Variants in GRM8 observed in about 807,000 individuals in gnomAD.
GRM8 encodes the protein glutamate metabotropic receptor 8.
Under a neutral mutation model 87.2 loss-of-function variants are expected in GRM8, and 47 were observed. The ratio of observed to expected loss-of-function variants is 0.54; its 90% CI spans 0.43 to 0.69. The LOEUF (loss-of-function observed/expected upper bound fraction) is 0.69. Among genes scored for constraint, GRM8 ranks in the 30% least tolerant of loss-of-function variants. GRM8 has a pLI of 0.00. For synonymous variants in GRM8, 396 were observed against 404.5 expected, an observed-to-expected ratio of 0.98 and a Z score of 0.25; for missense variants, 1,019 against 1,139.2, an observed-to-expected ratio of 0.89 and a Z score of 1.52.
chr7:127,134,049 C>T (rs1167757348), intron 2 of GRM8, among the ~76,000 whole-genome samples: 1 of 152,050 alleles, frequency 6.6e-6, no homozygotes, highest in African/African-American at 2.4e-5. Context: ...TAGGTTTATC[C>T]CTTAGCTTCC....
intron 6 of GRM8, among the ~76,000 whole-genome samples, chr7:126,878,991 C>T (rs1261870590): frequency 2.0e-5 from 3 of 151,940 alleles, no homozygotes; most frequent in Non-Finnish European, 2.9e-5. Context: ...GGGGAAACCC[C>T]GTCTCTACTA....
At chr7:126,700,669 C>A (rs898702114) in intron 7 of GRM8, among the ~76,000 whole-genome samples, 1 of 152,040 alleles carries the variant, frequency 6.6e-6, no homozygotes, top group Non-Finnish European at 1.5e-5. Context: ...CTGAGCAGGT[C>A]CATTCTCACA....
intron 6 of GRM8, among the ~76,000 whole-genome samples, chr7:126,900,737 T>C (rs527822581): frequency 2.0e-5 from 3 of 152,298 alleles, no homozygotes; most frequent in Middle Eastern, 6.8e-3. Flanking sequence ...CTCAAACTCC[T>C]GAGCTCAGGC....
At chr7:127,134,652 AC>A (rs1827857231) in intron 2 of GRM8, among the ~76,000 whole-genome samples, 1 of 152,198 alleles carries the variant, frequency 6.6e-6, no homozygotes, top group South Asian at 2.1e-4. Flanking sequence ...TCATCTTGCT[AC>A]CATAATATTT....
chr7:126,461,871 G>A (rs1219216548), intron 9 of GRM8, among the ~76,000 whole-genome samples: 3 of 151,516 alleles, frequency 2.0e-5, no homozygotes, highest in Admixed American at 1.3e-4. Flanking sequence ...ACATTGCATT[G>A]CATTTTCCTT....
rs139667602 is a variant in GRM8, at chr7:126,686,471, T to C, written c.1358-76973A>G. 2.8e-3 allele frequency among the ~76,000 whole-genome samples: 427 copies of C among 152,238 alleles called. 7 individuals carry two copies. Among genetic ancestry groups the C allele is most frequent in the African/African-American group, 9.8e-3 (406 of 41,546 alleles). Reference sequence around the variant, plus strand: ...TGAGCCAGGGCAGTGACTCCCTATTTGGGGCCCTGAAGTTCCTGACATCTC... The same window carrying C: ...TGAGCCAGGGCAGTGACTCCCTATTCGGGGCCCTGAAGTTCCTGACATCTC... On this transcript the variant is annotated intron_variant, in intron 7 of 10. Transcript: ENST00000339582.
chr7:126,508,415 T>C (rs142396187), intron 9 of GRM8, among the ~76,000 whole-genome samples: 19 of 152,124 alleles, frequency 1.2e-4, no homozygotes, highest in African/African-American at 4.6e-4. Flanking sequence ...TAAAAGCCCA[T>C]TTAAAAATGA....
rs521 is a variant in GRM8, at chr7:126,532,764, G to GATATATATATATAT, written c.2430+174_2430+187dup. Among the ~76,000 whole-genome samples the GATATATATATATAT allele has an allele frequency of 2.3e-4, 25 of 110,988 alleles. 2 individuals carry two copies. Among genetic ancestry groups the GATATATATATATAT allele is most frequent in the Non-Finnish European group, 3.1e-4 (17 of 54,264 alleles). The allele number at this position is 110,988 out of a possible 152,430, so 72.8% of individuals were successfully genotyped here. A position where few individuals can be genotyped will look rare whatever the true frequency, so the allele number is the denominator to read the frequency against. ...AAGCAATGTGACCTTGACGGATGGA[G>GATATATATATATAT]ATATATATATATATATATATATATA... On this transcript the variant is annotated intron_variant, in intron 9 of 10. Transcript: ENST00000339582.
intron 7 of GRM8, among the ~76,000 whole-genome samples, chr7:126,677,489 CA>C (rs1807098528): frequency 6.6e-6 from 1 of 151,900 alleles, no homozygotes; most frequent in Non-Finnish European, 1.5e-5. Flanking sequence ...AATAAAACGT[CA>C]TATATATACA....
chr7:127,184,328 T>C (rs1357425766), intron 2 of GRM8, among the ~76,000 whole-genome samples: 3 of 151,840 alleles, frequency 2.0e-5, no homozygotes, highest in African/African-American at 7.2e-5. Context: ...TTATTCTAGC[T>C]AGGCAAGGCT....
chr7:127,051,739 C>CAAAAAAAA (rs59713382), intron 3 of GRM8, among the ~76,000 whole-genome samples: 4 of 58,454 alleles, frequency 6.8e-5, no homozygotes, highest in African/African-American at 2.4e-4. Context: ...TAATGTTGAG[C>CAAAAAAAA]AAAAAAAAAA....
intron 2 of GRM8, among the ~76,000 whole-genome samples, chr7:127,159,623 T>TA (rs1792970486): frequency 6.6e-6 from 1 of 152,128 alleles, no homozygotes; most frequent in Admixed American, 6.5e-5. Context: ...TTGTAATTTT[T>TA]AAATTGTGTG....
At chr7:127,153,417 G>A (rs1016693008) in intron 2 of GRM8, among the ~76,000 whole-genome samples, 1 of 152,132 alleles carries the variant, frequency 6.6e-6, no homozygotes, top group Non-Finnish European at 1.5e-5. Flanking sequence ...ACCTTGATAG[G>A]AGGGACACAT....
At chr7:127,078,611 T>C (rs1822531200) in intron 3 of GRM8, among the ~76,000 whole-genome samples, 1 of 152,240 alleles carries the variant, frequency 6.6e-6, no homozygotes, top group African/African-American at 2.4e-5. Flanking sequence ...CAAAGATGAC[T>C]CAACATGGCT....
chr7:126,675,809 G>C (rs986227925), intron 7 of GRM8, among the ~76,000 whole-genome samples: 2 of 152,092 alleles, frequency 1.3e-5, no homozygotes, highest in Non-Finnish European at 2.9e-5. Context: ...AAGTTGAAAG[G>C]CTCACCCCTA....
chr7:126,505,006 G>A (rs1305400017), intron 9 of GRM8, among the ~76,000 whole-genome samples: 4 of 152,038 alleles, frequency 2.6e-5, no homozygotes, highest in Non-Finnish European at 5.9e-5. Context: ...AAGGAAAAAT[G>A]GAGGGCTTCA....
intron 3 of GRM8, among the ~76,000 whole-genome samples, chr7:127,024,150 T>C (rs978839631): frequency 6.6e-6 from 1 of 152,118 alleles, no homozygotes; most frequent in African/African-American, 2.4e-5. Context: ...ATTGATAGCT[T>C]GTCAAGTCTT....
intron 6 of GRM8, among the ~76,000 whole-genome samples, chr7:126,898,829 G>A (rs557792212): frequency 3.9e-5 from 6 of 152,142 alleles, no homozygotes; most frequent in African/African-American, 1.4e-4. Flanking sequence ...TGTTACATAG[G>A]TATACATGTA....
chr7:126,555,680 C>A (rs1793063939), intron 8 of GRM8, among the ~76,000 whole-genome samples: 2 of 152,206 alleles, frequency 1.3e-5, no homozygotes, highest in Admixed American at 1.3e-4. Context: ...GAAGCACCTA[C>A]TAGCAGTTTG....
Sources: allele counts gnomAD v4.1 joint callset (sites outside exome capture counted in the v4.1 genomes callset), GRCh38; gene constraint gnomAD v4.1.1; transcripts MANE v1.5; gene names NCBI Gene and HGNC (gene_info 2026-07-23, HGNC 2026-07-21).